Variants in ZNF76 observed in about 807,000 individuals in gnomAD.
ZNF76 encodes the protein zinc finger protein 523.
Under a neutral mutation model 66.9 loss-of-function variants are expected in ZNF76, and 66 were observed. The observed-to-expected ratio is 0.99, with a 90% CI of 0.81 to 1.21. ZNF76 has a LOEUF of 1.21. Ranked by LOEUF, ZNF76 falls within the 50% of genes most tolerant of loss-of-function variation. The pLI, the probability that ZNF76 is intolerant of heterozygous loss-of-function variation, is 0.00. For synonymous variants in ZNF76, 275 were observed against 296.1 expected (o/e 0.93, Z 0.73); for missense variants, 729 against 760.3 (o/e 0.96, Z 0.48).
intron 1 of ZNF76, among the ~76,000 whole-genome samples, chr6:35,260,081 C>T (rs1784982310): frequency 6.6e-6 from 1 of 152,010 alleles, no homozygotes; most frequent in Non-Finnish European, 1.5e-5. Context: ...CCCGCCTCCA[C>T]CCTTGTGACC....
chr6:35,270,682 C>T (rs1242076475), intron 1 of ZNF76, among the ~76,000 whole-genome samples: 3 of 151,982 alleles, frequency 2.0e-5, no homozygotes, highest in East Asian at 3.9e-4. Flanking sequence ...CTCTGCCTCC[C>T]GAGTAGCTGG....
chr6:35,286,119 T>G lies in ZNF76; in HGVS notation c.74-9T>G, dbSNP rs777450211. On this transcript the variant is annotated splice_polypyrimidine_tract_variant and intron_variant, in intron 2 of 13. Coordinates refer to ENST00000373953, the MANE Select transcript of ZNF76 (RefSeq NM_003427.5). The stretch of plus-strand genomic sequence containing the variant: ...CTGGCCCATTTCTCTCTATTTCCAC[T>G]CTTAACAGGAGAGAAGCTTCTTGAA... The G allele has an allele frequency of 5.0e-6, 8 of 1,613,798 alleles. No homozygotes were observed. The highest frequency in any genetic ancestry group is 6.8e-6 in the Non-Finnish European group (8 of 1,179,740).
chr6:35,294,218 A>AT (rs2150380335), intron 12 of ZNF76: 1 of 579,538 alleles, frequency 1.7e-6, no homozygotes, highest in Admixed American at 3.2e-5. Flanking sequence ...TATCTCTGGA[A>AT]TTTTTTACAG....
At position 35,294,536 on chromosome 6, in the gene ZNF76, G is replaced by A. The variant is rs767503222; in HGVS notation, c.1575G>A (p.Leu525=). The part of the protein sequence containing the change: ...ASLRHQQVAL[L]ATANGTHIAV... ...TTCGTCATCAACAGGTGGCACTGTT[G>A]GCCACAGCCAACGGAACGCACATTG... The change falls in exon 13 of 14, where the codon TTG becomes TTA. Residue 525 remains leucine (L), a synonymous_variant. Coordinates refer to ENST00000373953, the MANE Select transcript of ZNF76 (RefSeq NM_003427.5). The A allele has an allele frequency of 6.2e-7, 1 of 1,614,018 alleles. No homozygotes were observed. The highest frequency in any genetic ancestry group is 8.5e-7 in the Non-Finnish European group (1 of 1,179,916).
At chr6:35,259,556 C>A (rs1338186384), upstream of ZNF76, 1 of 152,240 alleles carries the variant, frequency 6.6e-6, no homozygotes, top group Non-Finnish European at 1.5e-5. Flanking sequence ...CAGATCCCGG[C>A]CGCCTGGGCT....
chr6:35,291,429 C>T (rs200766083), intron 8 of ZNF76, 26 bp downstream of exon 8: 12 of 1,614,008 alleles, frequency 7.4e-6, no homozygotes, highest in East Asian at 4.5e-5. Context: ...CCCACTCCAA[C>T]CCCATTCCCT....
intron 2 of ZNF76, among the ~76,000 whole-genome samples, chr6:35,284,405 T>C (rs60569490): frequency 0.09 from 13,370 of 148,212 alleles, 1,393 homozygotes; most frequent in African/African-American, 0.26. Flanking sequence ...TACTTTTTTG[T>C]TTTTTCTTTT....
chr6:35,264,042 C>T (rs1785629644), intron 1 of ZNF76, among the ~76,000 whole-genome samples: 1 of 152,218 alleles, frequency 6.6e-6, no homozygotes, highest in Admixed American at 6.5e-5. Flanking sequence ...TGAGCCACTG[C>T]ACCTGGCTGG....
chr6:35,286,540 T>G (rs1789597451), intron 4 of ZNF76, 141 bp downstream of exon 4: 7 of 790,656 alleles, frequency 8.9e-6, no homozygotes, highest in African/African-American at 1.7e-5. Context: ...CATGCTCACC[T>G]GGATTAGCAG....
intron 1 of ZNF76, among the ~76,000 whole-genome samples, chr6:35,266,797 C>CTTTTTTTTTTTTTTTT (rs57833954): frequency 1.1e-5 from 1 of 93,280 alleles, no homozygotes; most frequent in Non-Finnish European, 1.9e-5. Context: ...TTGTCTATTT[C>CTTTTTTTTTTTTTTTT]TTTTTTTTTT....
intron 1 of ZNF76, among the ~76,000 whole-genome samples, chr6:35,261,814 C>T (rs1387747129): frequency 6.6e-6 from 1 of 152,092 alleles, no homozygotes; most frequent in Admixed American, 6.5e-5. Flanking sequence ...CAAGACTGGC[C>T]CTGACCCCCA....
intron 1 of ZNF76, among the ~76,000 whole-genome samples, chr6:35,260,829 A>G (rs1024442068): frequency 6.6e-6 from 1 of 152,064 alleles, no homozygotes. Flanking sequence ...AATTTTTTGC[A>G]ATCATTTTTG....
rs746106907 is a variant in ZNF76 at position 35,281,198 on chromosome 6, C to G, written c.47C>G (p.Thr16Arg). The G allele has an allele frequency of 6.2e-7, 1 of 1,613,874 alleles. No individual in the cohort carries two copies. The highest frequency in any genetic ancestry group is 2.2e-5 in the East Asian group (1 of 44,876). Reference protein sequence around the residue: ...LHTVTLSDGTTAYVQQAVKGE... With the variant: ...LHTVTLSDGTRAYVQQAVKGE... Reference sequence around the variant, plus strand: ...ACGGTGACCCTTAGTGATGGGACAACAGCCTACGTCCAGCAAGCTGTCAAA... The same window carrying G: ...ACGGTGACCCTTAGTGATGGGACAAGAGCCTACGTCCAGCAAGCTGTCAAA... The change falls in exon 2 of 14, where the codon ACA (threonine) becomes AGA (arginine). Residue 16 changes from threonine to arginine, a missense_variant. Physicochemically the swap from Thr to Arg is moderately conservative, Grantham distance 71 (BLOSUM62 -1). Transcript: ENST00000373953.
chr6:35,274,796 C>T (rs1036883098), intron 1 of ZNF76, among the ~76,000 whole-genome samples: 5 of 152,132 alleles, frequency 3.3e-5, no homozygotes, highest in Non-Finnish European at 5.9e-5. Context: ...AGAAACACAT[C>T]GATATATTGC....
Position 35,286,315 on chromosome 6 carries a change from G to A in ZNF76, c.155-7G>A, listed in dbSNP as rs759284612. The stretch of plus-strand genomic sequence containing the variant: ...CCAGGGAAAGGCAGGCATTGCTCTC[G>A]TTACAGAAGCTCTCTCCTTTGAGGA... On this transcript the variant is annotated splice_region_variant and splice_polypyrimidine_tract_variant and intron_variant, in intron 3 of 13. Transcript: ENST00000373953. 9.9e-6 allele frequency: 16 copies of A among 1,614,062 alleles called. No homozygotes were observed. The East Asian group carries it at 1.1e-4, about 11-fold the overall frequency.
rs374254349 is a variant in ZNF76, at chr6:35,294,005, T to C, written c.1494+90T>C. 8.2e-6 allele frequency: 12 copies of C among 1,455,322 alleles called. No individual in the cohort carries two copies. The East Asian group carries it at 1.4e-4, about 17-fold the overall frequency. 90.2% of individuals were successfully genotyped at this position (1,455,322 alleles called of 1,614,324 possible). On this transcript the variant is annotated intron_variant, in intron 12 of 13. Coordinates refer to ENST00000373953, the MANE Select transcript of ZNF76 (RefSeq NM_003427.5). The stretch of plus-strand genomic sequence containing the variant: ...AAGTGCAGCCTAAACTAGTCAAGTC[T>C]TCTTACCAGGACAAAGATTCCCCAC...
In ZNF76 at chr6:35,269,772, C is replaced by T. The variant is rs535681716; in HGVS notation, c.-97+9931C>T. On this transcript the variant is annotated intron_variant, in intron 1 of 13. Coordinates refer to ENST00000373953, the MANE Select transcript of ZNF76 (RefSeq NM_003427.5). ...TGGAGCAATGAAGGGGAAAGGTAGA[C>T]CCTGCTTAGGCCACCACTTCGTCCA... Among the ~76,000 whole-genome samples, 6 of 152,310 alleles carry T rather than the reference C, an allele frequency of 3.9e-5. No individual in the cohort carries two copies. In the East Asian group the frequency reaches 9.6e-4, roughly 24 times the overall value.
intron 1 of ZNF76, among the ~76,000 whole-genome samples, chr6:35,269,732 T>C (rs1210819820): frequency 6.6e-6 from 1 of 152,252 alleles, no homozygotes; most frequent in Non-Finnish European, 1.5e-5. Flanking sequence ...CAGGAAATAC[T>C]GTCCTGTGGC....
Position 35,294,557 on chromosome 6 carries a change from C to T in ZNF76, c.1596C>T (p.His532=), listed in dbSNP as rs757354435. Reference sequence around the variant, plus strand: ...TGTTGGCCACAGCCAACGGAACGCACATTGCAGTGCAGGTGAGTAGAGATC... The same window carrying T: ...TGTTGGCCACAGCCAACGGAACGCATATTGCAGTGCAGGTGAGTAGAGATC... ...VALLATANGT[H]IAVQLEEQQT... is the part of the protein sequence containing the mutation. The change falls in exon 13 of 14, where the codon CAC becomes CAT. Residue 532 remains histidine (H), a synonymous_variant. Coordinates refer to ENST00000373953, the MANE Select transcript of ZNF76 (RefSeq NM_003427.5). 13 of 1,612,332 alleles carry T rather than the reference C, an allele frequency of 8.1e-6. No homozygotes were observed. The highest frequency in any genetic ancestry group is 1.1e-5 in the Non-Finnish European group (13 of 1,178,474).
Sources: allele counts gnomAD v4.1 joint callset (sites outside exome capture counted in the v4.1 genomes callset), GRCh38; gene constraint gnomAD v4.1.1; transcripts MANE v1.5; gene names NCBI Gene and HGNC (gene_info 2026-07-23, HGNC 2026-07-21).